CYBC1: variants seen among roughly 807,000 people sequenced by gnomAD.
CYBC1 encodes essential for reactive oxygen species protein.
CYBC1 carries 22 observed loss-of-function variants against 21.7 expected under a neutral mutation model. The ratio of observed to expected loss-of-function variants is 1.02; its 90% CI spans 0.73 to 1.45. CYBC1 has a LOEUF of 1.45. Among genes scored for constraint, CYBC1 ranks in the 40% most tolerant of loss-of-function variants. The probability of loss-of-function intolerance (pLI) is 0.00; values close to 1 mark genes in which losing one functional copy is unlikely to be tolerated. For synonymous variants in CYBC1, 112 were observed against 98.7 expected (o/e 1.13, Z -0.80); for missense variants, 237 against 242.1 (o/e 0.98, Z 0.14).
Position 82,443,700 on chromosome 17 carries a change from G to C in CYBC1, c.*304C>G. On this transcript the variant is annotated 3_prime_UTR_variant, in exon 7 of 7. Coordinates refer to ENST00000306645, the MANE Select transcript of CYBC1 (RefSeq NM_001033046.4). The surrounding 1 kb of genome is among the most constrained non-coding windows in gnomAD (Gnocchi z 6.7). ...CTGGTCTGGCCTGCTGTTTCATGCA[G>C]TGTGCAAGCAGCAGCATGAGCAGGC... 3.9e-6 allele frequency: 3 copies of C among 772,040 alleles called. No individual in the cohort carries two copies. The highest frequency in any genetic ancestry group is 7.1e-6 in the Non-Finnish European group (3 of 425,008). 47.8% of individuals were successfully genotyped at this position (772,040 alleles called of 1,614,324 possible).
At chr17:82,446,039 TCACC>T in intron 4 of CYBC1, 79 bp from the exon 5 acceptor site, 12 of 1,145,276 alleles carry the variant, frequency 1.0e-5, no homozygotes, top group Middle Eastern at 2.0e-4. Flanking sequence ...ACCCCCACCC[TCACC>T]AGGGTGGACA....
At position 82,446,864 on chromosome 17, in the gene CYBC1, C is replaced by T. The variant is rs563246870; in HGVS notation, c.128-168G>A. ...GCCCTGGCCACTCAGGACCCACACGCGGCACACCCCACCCAGCTCTGACCC... is the reference window on the plus strand; with the variant it reads ...GCCCTGGCCACTCAGGACCCACACGTGGCACACCCCACCCAGCTCTGACCC... On this transcript the variant is annotated intron_variant, in intron 3 of 6. Coordinates refer to ENST00000306645, the MANE Select transcript of CYBC1 (RefSeq NM_001033046.4). 4.2e-4 allele frequency: 265 copies of T among 633,594 alleles called. 2 individuals are homozygous for T. The highest frequency in any genetic ancestry group is 3.4e-3 in the Middle Eastern group (8 of 2,386). The allele number at this position is 633,594 out of a possible 1,614,324, so 39.2% of individuals were successfully genotyped here.
Position 82,450,727 on chromosome 17 carries a change from G to C in CYBC1, c.-66C>G, listed in dbSNP as rs2054541777. On this transcript the variant is annotated 5_prime_UTR_variant, in exon 1 of 7. Transcript: ENST00000306645. ...AGAGCACAGCGGTCCCCGCGCCGCA[G>C]CAGAGAGACGCGAACCGGCGGGGGC... 6.6e-6 allele frequency: 1 copy of C among 152,258 alleles called. No individual in the cohort carries two copies. The highest frequency in any genetic ancestry group is 2.1e-4 in the South Asian group (1 of 4,836). 9.4% of individuals were successfully genotyped at this position (152,258 alleles called of 1,614,324 possible). A position where few individuals can be genotyped will look rare whatever the true frequency, so the allele number is the denominator to read the frequency against.
intron 2 of CYBC1, 59 bp from the exon 3 acceptor site, chr17:82,447,680 G>A: frequency 1.4e-6 from 2 of 1,463,790 alleles, no homozygotes; most frequent in Non-Finnish European, 1.9e-6. Context: ...CCTCCCTGGT[G>A]CAGCGGGACC....
rs901268189 is a variant in CYBC1, at chr17:82,443,182, A to G, written c.*822T>C. On this transcript the variant is annotated 3_prime_UTR_variant, in exon 7 of 7. Coordinates refer to ENST00000306645, the MANE Select transcript of CYBC1 (RefSeq NM_001033046.4). The surrounding 1 kb of genome is among the most constrained non-coding windows in gnomAD (Gnocchi z 6.7). ...CACCTCGGCCTCCGAAAGTGCTGGG[A>G]TTACTGGCATGAACCACTGCGCCCG... The G allele has an allele frequency of 4.4e-5, 12 of 270,956 alleles. No individual in the cohort carries two copies. Among genetic ancestry groups the G allele is most frequent in the Admixed American group, 4.3e-4 (9 of 21,034 alleles). 16.8% of individuals were successfully genotyped at this position (270,956 alleles called of 1,614,324 possible).
chr17:82,447,645 G>A, intron 2 of CYBC1, 24 bp from the exon 3 acceptor site: 3 of 1,580,378 alleles, frequency 1.9e-6, no homozygotes, highest in Non-Finnish European at 2.6e-6. Flanking sequence ...GTGACTGCCT[G>A]CCTATTGATC....
chr17:82,442,684 T>C lies in CYBC1; in HGVS notation c.*1320A>G. On this transcript the variant is annotated 3_prime_UTR_variant, in exon 7 of 7. Transcript: ENST00000306645. This position sits in a 1 kb window ranked among gnomAD's most constrained non-coding sequence, Gnocchi z 6.8. ...ATTTATGGTTATGATGACCCTGTCC[T>C]GCAACGAGGGACTGGCAGCCACTAC... The C allele has an allele frequency of 8.0e-7, 1 of 1,252,248 alleles. No homozygotes were observed. Among genetic ancestry groups the C allele is most frequent in the Non-Finnish European group, 1.1e-6 (1 of 901,184 alleles). The allele number at this position is 1,252,248 out of a possible 1,614,324, so 77.6% of individuals were successfully genotyped here.
In CYBC1 at chr17:82,444,512, C is replaced by T; in HGVS notation, c.378G>A (p.Val126=). The T allele has an allele frequency of 6.2e-7, 1 of 1,614,082 alleles. No homozygotes were observed. Among genetic ancestry groups the T allele is most frequent in the Non-Finnish European group, 8.5e-7 (1 of 1,179,982 alleles). Residue 126 remains valine (V), a synonymous_variant, in exon 6 of 7, where the codon GTG becomes GTA. Coordinates refer to ENST00000306645, the MANE Select transcript of CYBC1 (RefSeq NM_001033046.4). ...KVRYFGKGYM[V]VLRLATGFSH... ...AGAAGCCCGTCGCAAGCCGGAGCAC[C>T]ACCATGTAGCCTTTCCCGAAGTACC...
intron 2 of CYBC1, 149 bp from the exon 3 acceptor site, chr17:82,447,770 G>C (rs1269911395): frequency 4.2e-6 from 3 of 719,086 alleles, no homozygotes; most frequent in Admixed American, 2.4e-5. Flanking sequence ...ACCAGGTTCA[G>C]AGTAGGGGAA....
In CYBC1 at chr17:82,443,778, T is replaced by C; in HGVS notation, c.*226A>G. 1 of 905,658 alleles carries C rather than the reference T, an allele frequency of 1.1e-6. No homozygotes were observed. Among genetic ancestry groups the C allele is most frequent in the East Asian group, 2.4e-5 (1 of 41,640 alleles). 56.1% of individuals were successfully genotyped at this position (905,658 alleles called of 1,614,324 possible). A position where few individuals can be genotyped will look rare whatever the true frequency, so the allele number is the denominator to read the frequency against. ...ACTGAAGCCAAGGCCACGGGTCCTG[T>C]GGGCGGTGCACGGGCTCAGGCACAC... On this transcript the variant is annotated 3_prime_UTR_variant, in exon 7 of 7. Transcript: ENST00000306645. The surrounding 1 kb of genome is among the most constrained non-coding windows in gnomAD (Gnocchi z 6.7).
Position 82,443,604 on chromosome 17 carries a change from T to TC in CYBC1, c.*399dup, listed in dbSNP as rs1244975999. ...GTCTTGCTGTGGCCCAAAGCAGGAGTCCAGGGCTGGCGAGACCTCCGGCTG... is the reference window on the plus strand; with the variant it reads ...GTCTTGCTGTGGCCCAAAGCAGGAGTCCCAGGGCTGGCGAGACCTCCGGCTG... On this transcript the variant is annotated 3_prime_UTR_variant, in exon 7 of 7. Coordinates refer to ENST00000306645, the MANE Select transcript of CYBC1 (RefSeq NM_001033046.4). The surrounding 1 kb of genome is among the most constrained non-coding windows in gnomAD (Gnocchi z 6.7). The TC allele has an allele frequency of 1.4e-6, 1 of 709,426 alleles. No homozygotes were observed. Among genetic ancestry groups the TC allele is most frequent in the Non-Finnish European group, 2.6e-6 (1 of 388,948 alleles). The allele number at this position is 709,426 out of a possible 1,614,324, so 43.9% of individuals were successfully genotyped here.
rs180859496 is a variant in CYBC1 at position 82,447,884 on chromosome 17, C to A, written c.86-263G>T. The A allele has an allele frequency of 1.5e-4, 87 of 584,204 alleles. 1 individual carries two copies. The East Asian group carries it at 2.4e-3, about 16-fold the overall frequency. 36.2% of individuals were successfully genotyped at this position (584,204 alleles called of 1,614,324 possible). Reference sequence around the variant, plus strand: ...CCGAGGAAGGAAGAGCGCTTGAGCTCAGGAGTTTGAGACCAGCCTGGGCAA... The same window carrying A: ...CCGAGGAAGGAAGAGCGCTTGAGCTAAGGAGTTTGAGACCAGCCTGGGCAA... On this transcript the variant is annotated intron_variant, in intron 2 of 6. Transcript: ENST00000306645.
chr17:82,447,764 G>A (rs1350992080), intron 2 of CYBC1, 143 bp from the exon 3 acceptor site: 1 of 742,394 alleles, frequency 1.3e-6, no homozygotes, highest in Non-Finnish European at 2.3e-6. Context: ...CAGACCACCA[G>A]GTTCAGAGTA....
Position 82,443,669 on chromosome 17 carries a change from G to A in CYBC1, c.*335C>T. The A allele has an allele frequency of 1.3e-6, 1 of 766,568 alleles. No individual in the cohort carries two copies. Among genetic ancestry groups the A allele is most frequent in the South Asian group, 1.3e-5 (1 of 74,514 alleles). 47.5% of individuals were successfully genotyped at this position (766,568 alleles called of 1,614,324 possible). Reference sequence around the variant, plus strand: ...CAGGCCTCACGATGGAGAAAGTCTGGATGTCCTGGTCTGGCCTGCTGTTTC... The same window carrying A: ...CAGGCCTCACGATGGAGAAAGTCTGAATGTCCTGGTCTGGCCTGCTGTTTC... On this transcript the variant is annotated 3_prime_UTR_variant, in exon 7 of 7. Transcript: ENST00000306645. The surrounding 1 kb of genome is among the most constrained non-coding windows in gnomAD (Gnocchi z 6.7).
At chr17:82,449,121 G>A (rs2054450880) in intron 2 of CYBC1, 49 bp downstream of exon 2, 1 of 1,380,616 alleles carries the variant, frequency 7.2e-7, no homozygotes, top group Non-Finnish European at 9.8e-7. Context: ...CTTTTTGAAA[G>A]TCAGGCTTCC....
At chr17:82,449,068 A>T in intron 2 of CYBC1, 102 bp downstream of exon 2, 1 of 927,618 alleles carries the variant, frequency 1.1e-6, no homozygotes, top group Non-Finnish European at 1.6e-6. Flanking sequence ...ATTAGATTTC[A>T]AGGTAATAGA....
chr17:82,444,469 T>C lies in CYBC1; in HGVS notation c.421A>G (p.Ser141Gly), dbSNP rs759916617. 5.6e-6 allele frequency: 9 copies of C among 1,612,580 alleles called. No individual in the cohort carries two copies. Among genetic ancestry groups the C allele is most frequent in the Non-Finnish European group, 7.6e-6 (9 of 1,179,094 alleles). ...TACCTGCGGTGGCCCATGACTGCAC[T>C]CTGCGTGAGGGGGTGGGAGAAGCCC... is the stretch of plus-strand genomic sequence containing the variant. ...ATGFSHPLTQ[S>G]AVMGHRSDVE... Residue 141 changes from serine (S) to glycine (G), a missense_variant, in exon 6 of 7, where the codon AGT (serine) becomes GGT (glycine). Ser to Gly is a moderately conservative substitution (Grantham distance 56). Coordinates refer to ENST00000306645, the MANE Select transcript of CYBC1 (RefSeq NM_001033046.4).
Position 82,444,451 on chromosome 17 carries a change from G to A in CYBC1, c.439C>T (p.Arg147Cys), listed in dbSNP as rs150870793. Residue 147 changes from arginine (R) to cysteine (C), a missense_variant, in exon 6 of 7, where the codon CGC (arginine) becomes TGC (cysteine). Coordinates refer to ENST00000306645, the MANE Select transcript of CYBC1 (RefSeq NM_001033046.4). The part of the protein sequence containing the change: ...PLTQSAVMGH[R>C]SDVEAIAKLI... ...ATCAAAGTCCCACAGCCTTACCTGC[G>A]GTGGCCCATGACTGCACTCTGCGTG... The A allele has an allele frequency of 1.4e-5, 23 of 1,606,118 alleles. No homozygotes were observed. Among genetic ancestry groups the A allele is most frequent in the Middle Eastern group, 1.7e-4 (1 of 6,058 alleles).
intron 3 of CYBC1, 156 bp downstream of exon 3, chr17:82,447,424 G>C (rs563738532): frequency 1.5e-6 from 1 of 686,670 alleles, no homozygotes; most frequent in Admixed American, 2.1e-5. Context: ...GAACAGCAGC[G>C]CATGGAGGGC....
Sources: allele counts gnomAD v4.1 joint callset, GRCh38; gene constraint gnomAD v4.1.1; non-coding constraint Gnocchi (gnomAD v3.1); transcripts MANE v1.5; gene names NCBI Gene and HGNC (gene_info 2026-07-23, HGNC 2026-07-21).